SDK1: variants seen among roughly 807,000 people sequenced by gnomAD.
SDK1 encodes the protein protein sidekick-1.
SDK1 carries 157 observed loss-of-function variants against 245.5 expected under a neutral mutation model. That is an observed-to-expected ratio of 0.64 (90% CI 0.56 to 0.73). SDK1 has a LOEUF of 0.73. Among genes scored for constraint, SDK1 ranks in the 30% least tolerant of loss-of-function variants. The pLI is 0.00. For missense variants in SDK1, 3,583 were observed against 3,002.3 expected (o/e 1.19, Z -4.52); for synonymous variants, 1,647 against 1,278.5 (o/e 1.29, Z -6.15).
chr7:3,950,842 TG>T (rs1780780237), intron 5 of SDK1, 80 bp from the exon 6 acceptor site: 2 of 1,081,528 alleles, frequency 1.8e-6, no homozygotes, highest in East Asian at 4.9e-5. Context: ...CCGGGGGTCT[TG>T]GAACGTGTCC....
At chr7:3,693,331 G>A (rs1040823077) in intron 4 of SDK1, among the ~76,000 whole-genome samples, 8 of 151,982 alleles carry the variant, frequency 5.3e-5, no homozygotes, top group African/African-American at 1.7e-4. Flanking sequence ...TCGTTATTTG[G>A]TTTGTATTGT....
At chr7:4,083,659 CCCTT>C in intron 22 of SDK1, among the ~76,000 whole-genome samples, 1 of 26,102 alleles carries the variant, frequency 3.8e-5, no homozygotes, top group Non-Finnish European at 7.7e-5. Context: ...CTCCACCCCT[CCCTT>C]CTTTCCTCCC....
chr7:3,893,138 G>A (rs1306672897), intron 5 of SDK1, among the ~76,000 whole-genome samples: 1 of 152,078 alleles, frequency 6.6e-6, no homozygotes, highest in Non-Finnish European at 1.5e-5. Flanking sequence ...CAGGGCTGTG[G>A]GTAGGATAAT....
At chr7:4,264,899 A>C (rs977095477) in intron 44 of SDK1, among the ~76,000 whole-genome samples, 1 of 152,090 alleles carries the variant, frequency 6.6e-6, no homozygotes, top group Non-Finnish European at 1.5e-5. Flanking sequence ...TGCAGCTGAG[A>C]AAATGCAGTG....
At chr7:3,909,323 C>T (rs1779070686) in intron 5 of SDK1, among the ~76,000 whole-genome samples, 2 of 152,194 alleles carry the variant, frequency 1.3e-5, no homozygotes, top group South Asian at 4.2e-4. Flanking sequence ...TAAATCCTGC[C>T]TGGGCTGCGG....
At position 3,326,532 on chromosome 7, in the gene SDK1, G is replaced by A. The variant is rs1779944881; in HGVS notation, c.298+24648G>A. ...GTTTAGGGTAAATACTTTGAAGTAG[G>A]ATTGCTGGCTCATACAGTATGTCTT... is the stretch of plus-strand genomic sequence containing the variant. On this transcript the variant is annotated intron_variant, in intron 1 of 44. Transcript: ENST00000404826. 3.9e-5 allele frequency among the ~76,000 whole-genome samples: 6 copies of A among 152,080 alleles called. No homozygotes were observed. In the South Asian group the frequency reaches 1.2e-3, roughly 31 times the overall value.
chr7:3,934,115 C>T (rs1008965566), intron 5 of SDK1, among the ~76,000 whole-genome samples: 1 of 152,230 alleles, frequency 6.6e-6, no homozygotes, highest in South Asian at 2.1e-4. Flanking sequence ...AATTTCTACT[C>T]TGTGAGTTGA....
Position 3,969,394 on chromosome 7 carries a change from C to G in SDK1, c.1684C>G (p.Leu562Val), listed in dbSNP as rs1366334924. 6.2e-7 allele frequency: 1 copy of G among 1,605,570 alleles called. No individual in the cohort carries two copies. The highest frequency in any genetic ancestry group is 8.5e-7 in the Non-Finnish European group (1 of 1,176,110). The change falls in exon 11 of 45, where the codon CTG (leucine) becomes GTG (valine). Residue 562 changes from leucine (L) to valine (V), a missense_variant. By Grantham distance (32) the Leu-to-Val change is conservative (BLOSUM62 1). Coordinates refer to ENST00000404826, the MANE Select transcript of SDK1 (RefSeq NM_152744.4). ...CTATGCGGCCAACACAGAGGGCTCC[C>G]TGAATGCATCGGCCACGCTCACTGT... ...TCYAANTEGSLNASATLTVWN... is the reference protein window; with the variant it reads ...TCYAANTEGSVNASATLTVWN...
At position 3,619,063 on chromosome 7, in the gene SDK1, G is replaced by A. The variant is rs763055042; in HGVS notation, c.299-17G>A. On this transcript the variant is annotated splice_polypyrimidine_tract_variant and intron_variant, in intron 1 of 44. Coordinates refer to ENST00000404826, the MANE Select transcript of SDK1 (RefSeq NM_152744.4). The stretch of plus-strand genomic sequence containing the variant: ...GCGTACTTCAGTTTTGTTTTGTTTT[G>A]TTTTTTAATATTTCAGATGATGTTG... The A allele has an allele frequency of 1.9e-6, 3 of 1,540,910 alleles. No individual in the cohort carries two copies. In the South Asian group the frequency reaches 3.6e-5, roughly 18 times the overall value.
At chr7:3,643,839 G>C (rs1309595117) in intron 4 of SDK1, 1 of 150,994 alleles carries the variant, frequency 6.6e-6, no homozygotes, top group Non-Finnish European at 1.5e-5. Flanking sequence ...TCTGGACCAG[G>C]ATCTGGCTGG....
rs1391418331 is a variant in SDK1, at chr7:3,854,647, A to G, written c.847+33064A>G. Among the ~76,000 whole-genome samples, 5 of 152,220 alleles carry G rather than the reference A, an allele frequency of 3.3e-5. No individual in the cohort carries two copies. The East Asian group carries it at 7.7e-4, about 23-fold the overall frequency. On this transcript the variant is annotated intron_variant, in intron 5 of 44. Transcript: ENST00000404826. ...CTACACTTGAATGCCTTTGTTCATGAGAAAACATAGAAGTGACAATTTAGT... is the reference window on the plus strand; with the variant it reads ...CTACACTTGAATGCCTTTGTTCATGGGAAAACATAGAAGTGACAATTTAGT...
chr7:4,079,233 C>T lies in SDK1; in HGVS notation c.3203-230C>T, dbSNP rs148170388. Among the ~76,000 whole-genome samples, 321 of 152,302 alleles carry T rather than the reference C, an allele frequency of 2.1e-3. 1 individual carries two copies. The highest frequency in any genetic ancestry group is 3.6e-3 in the Non-Finnish European group (243 of 68,026). On this transcript the variant is annotated intron_variant, in intron 21 of 44. Coordinates refer to ENST00000404826, the MANE Select transcript of SDK1 (RefSeq NM_152744.4). ...TTTCTCATCAGGGAGGCCATGTTAG[C>T]GACGTGTCTCCCAAAGCCCACTGGG...
chr7:3,792,258 A>G (rs974902591), intron 4 of SDK1, among the ~76,000 whole-genome samples: 1 of 152,088 alleles, frequency 6.6e-6, no homozygotes, highest in Non-Finnish European at 1.5e-5. Context: ...CTGACCTGCA[A>G]TTGCCTGAGG....
intron 4 of SDK1, among the ~76,000 whole-genome samples, chr7:3,794,866 C>T (rs965391930): frequency 1.3e-5 from 2 of 152,062 alleles, no homozygotes; most frequent in African/African-American, 4.8e-5. Flanking sequence ...GATCCTCTGT[C>T]TGTTGCCCTT....
intron 17 of SDK1, among the ~76,000 whole-genome samples, chr7:4,022,327 CA>C (rs1786958869): frequency 6.6e-6 from 1 of 152,230 alleles, no homozygotes; most frequent in Non-Finnish European, 1.5e-5. Context: ...CTCCTCCCTT[CA>C]GTGAGTGGCA....
At chr7:3,825,382 TCATTGTTTATACGC>T (rs368235011) in intron 5 of SDK1, among the ~76,000 whole-genome samples, 8 of 148,790 alleles carry the variant, frequency 5.4e-5, no homozygotes, top group African/African-American at 2.0e-4. Flanking sequence ...GGTTAATCAG[TCATTGTTTATACGC>T]CATTGTACAT....
intron 35 of SDK1, among the ~76,000 whole-genome samples, chr7:4,186,544 C>A (rs1417174332): frequency 6.6e-6 from 1 of 152,214 alleles, no homozygotes; most frequent in Non-Finnish European, 1.5e-5. Flanking sequence ...AGCCGGCTCG[C>A]CTTCCCCACC....
At chr7:3,697,796 T>C (rs1049120014) in intron 4 of SDK1, among the ~76,000 whole-genome samples, 1 of 152,180 alleles carries the variant, frequency 6.6e-6, no homozygotes. Context: ...ATTTTGCTGA[T>C]CATCAATCTG....
At chr7:3,990,592 C>G (rs535678919) in intron 14 of SDK1, among the ~76,000 whole-genome samples, 1 of 152,186 alleles carries the variant, frequency 6.6e-6, no homozygotes, top group Non-Finnish European at 1.5e-5. Flanking sequence ...CTCGTGTCAT[C>G]TGAATTCTGG....
Sources: gnomAD v4.1 joint callset for allele counts (sites outside exome capture counted in the v4.1 genomes callset) on GRCh38, gnomAD v4.1.1 for gene constraint, MANE v1.5 for transcripts, NCBI Gene and HGNC (gene_info 2026-07-23, HGNC 2026-07-21) for gene names.